The following TYW1 variants were observed in gnomAD, a reference collection of about 807,000 sequenced individuals.
The protein encoded by TYW1 is S-adenosyl-L-methionine-dependent tRNA 4-demethylwyosine synthase TYW1.
TYW1 carries 46 observed loss-of-function variants against 96.2 expected under a neutral mutation model. The ratio of observed to expected loss-of-function variants is 0.48; its 90% CI spans 0.38 to 0.61. TYW1 has a LOEUF of 0.61. TYW1 is among the 20% of genes least tolerant of loss of function. The pLI, the probability that TYW1 is intolerant of heterozygous loss-of-function variation, is 0.00. For synonymous variants in TYW1, 274 were observed against 323.0 expected, an observed-to-expected ratio of 0.85 and a Z score of 1.63; for missense variants, 684 against 909.6, an observed-to-expected ratio of 0.75 and a Z score of 3.19.
chr7:67,083,060 C>G (rs1796434775), intron 10 of TYW1, among the ~76,000 whole-genome samples: 1 of 152,188 alleles, frequency 6.6e-6, no homozygotes, highest in Admixed American at 6.5e-5. Context: ...AGTGTTCCAG[C>G]TGTCGTCACT....
intron 14 of TYW1, among the ~76,000 whole-genome samples, chr7:67,186,649 G>A (rs1800034483): frequency 6.6e-6 from 1 of 151,880 alleles, no homozygotes; most frequent in South Asian, 2.1e-4. Flanking sequence ...ACCACACCTG[G>A]CTAATTTAAA....
intron 13 of TYW1, among the ~76,000 whole-genome samples, chr7:67,154,212 G>A (rs1160590886): frequency 2.6e-5 from 4 of 152,112 alleles, no homozygotes; most frequent in Admixed American, 6.5e-5. Flanking sequence ...GTGAGCCACC[G>A]CGCCTGGCCC....
intron 12 of TYW1, among the ~76,000 whole-genome samples, chr7:67,099,137 T>A (rs1797012692): frequency 6.6e-6 from 1 of 152,168 alleles, no homozygotes; most frequent in East Asian, 1.9e-4. Context: ...GTGATTCTCC[T>A]GTCTCAGCCT....
rs2129235050 is a variant in TYW1, at chr7:66,998,101, T to C, written c.41T>C (p.Leu14Ser). 2 of 1,611,000 alleles carry C rather than the reference T, an allele frequency of 1.2e-6. No homozygotes were observed. The highest frequency in any genetic ancestry group is 4.5e-5 in the East Asian group (2 of 44,838). The change falls in exon 2 of 16, where the codon TTA (leucine) becomes TCA (serine). Residue 14 changes from leucine (L) to serine (S), a missense_variant. Physicochemically the swap from Leu to Ser is moderately radical, Grantham distance 145. Transcript: ENST00000359626. ...GATACATGGGACCTCTTCTCACCTT[T>C]AATATCATTATGGATAAACAGGTTT... ...SADTWDLFSP[L>S]ISLWINRFYI...
intron 13 of TYW1, among the ~76,000 whole-genome samples, chr7:67,164,608 CAAAAAAAAA>C (rs68160921): frequency 8.8e-6 from 1 of 113,834 alleles, no homozygotes; most frequent in African/African-American, 3.1e-5. Flanking sequence ...AAAACTGTCT[CAAAAAAAAA>C]AAAAAAAAGT....
At chr7:67,170,418 G>C (rs1275657547) in intron 13 of TYW1, among the ~76,000 whole-genome samples, 1 of 152,120 alleles carries the variant, frequency 6.6e-6, no homozygotes, top group Non-Finnish European at 1.5e-5. Flanking sequence ...GGGTTCCTAT[G>C]CATTTCCATA....
At chr7:67,174,473 A>G (rs1799604397) in intron 13 of TYW1, among the ~76,000 whole-genome samples, 2 of 150,528 alleles carry the variant, frequency 1.3e-5, no homozygotes, top group African/African-American at 2.5e-5. Flanking sequence ...CAATGAAAAT[A>G]TTTTTCAAGA....
chr7:67,040,205 G>A (rs1298267868), intron 7 of TYW1, among the ~76,000 whole-genome samples: 12 of 152,092 alleles, frequency 7.9e-5, no homozygotes, highest in Non-Finnish European at 1.6e-4. Flanking sequence ...TGATCCGCCC[G>A]CCTTGGCCTC....
At chr7:67,019,770 G>A (rs958955571) in intron 6 of TYW1, among the ~76,000 whole-genome samples, 1 of 152,294 alleles carries the variant, frequency 6.6e-6, no homozygotes, top group African/African-American at 2.4e-5. Flanking sequence ...GGAACAAGGA[G>A]TGGTCGATAC....
intron 3 of TYW1, among the ~76,000 whole-genome samples, chr7:67,003,004 C>A (rs1415807752): frequency 1.3e-5 from 2 of 151,984 alleles, no homozygotes; most frequent in Non-Finnish European, 2.9e-5. Flanking sequence ...CTCCTAGCCT[C>A]AAGTGATTCA....
chr7:67,133,205 T>C (rs1798137803), intron 13 of TYW1, among the ~76,000 whole-genome samples: 1 of 152,186 alleles, frequency 6.6e-6, no homozygotes, highest in African/African-American at 2.4e-5. Context: ...GGTGCCATCA[T>C]GGCTCACTGC....
chr7:67,093,833 T>C (rs926294208), intron 11 of TYW1, among the ~76,000 whole-genome samples: 3 of 152,116 alleles, frequency 2.0e-5, no homozygotes, highest in Non-Finnish European at 2.9e-5. Flanking sequence ...CTCTTGGGGA[T>C]TTACTTGCAC....
chr7:67,117,530 C>G lies in TYW1; in HGVS notation c.1610C>G (p.Thr537Ser), dbSNP rs750619047. 2.5e-6 allele frequency: 4 copies of G among 1,613,970 alleles called. No individual in the cohort carries two copies. Among genetic ancestry groups the G allele is most frequent in the South Asian group, 2.2e-5 (2 of 91,072 alleles). The change falls in exon 13 of 16, where the codon ACC becomes AGC. Residue 537 changes from threonine (T) to serine (S), a missense_variant. Transcript: ENST00000359626. ...CTGTATGTCAGTGTGGATGCCAGTACCAAAGACAGCCTGAAGAAAATCGAC... is the reference window on the plus strand; with the variant it reads ...CTGTATGTCAGTGTGGATGCCAGTAGCAAAGACAGCCTGAAGAAAATCGAC... ...TQLYVSVDASTKDSLKKIDRP... is the reference protein window; with the variant it reads ...TQLYVSVDASSKDSLKKIDRP...
Position 67,107,579 on chromosome 7 carries a change from GATA to G in TYW1, c.1562+8873_1562+8875del, listed in dbSNP as rs371245483. On this transcript the variant is annotated intron_variant, in intron 12 of 15. Transcript: ENST00000359626. ...TGCCCGCTTTCCTCATTTGTAAAAT[GATA>G]ATAATAATAATGACTGCCTTATGGT... is the stretch of plus-strand genomic sequence containing the variant. Among the ~76,000 whole-genome samples, 102 of 152,206 alleles carry G rather than the reference GATA, an allele frequency of 6.7e-4. 1 individual carries two copies. Among genetic ancestry groups the G allele is most frequent in the African/African-American group, 2.4e-3 (98 of 41,534 alleles).
chr7:67,143,569 C>T (rs970391260), intron 13 of TYW1, among the ~76,000 whole-genome samples: 5 of 152,134 alleles, frequency 3.3e-5, no homozygotes, highest in Non-Finnish European at 1.5e-5. Context: ...CAGAGTTTGG[C>T]GATTTGGGAA....
chr7:67,072,049 A>C (rs1212866087), intron 10 of TYW1, among the ~76,000 whole-genome samples: 1 of 149,562 alleles, frequency 6.7e-6, no homozygotes, highest in Admixed American at 6.7e-5. Context: ...GCTTCTTAGC[A>C]TGTCTCCTGT....
chr7:67,127,117 T>G (rs1181371998), intron 13 of TYW1, among the ~76,000 whole-genome samples: 3 of 152,060 alleles, frequency 2.0e-5, no homozygotes, highest in Admixed American at 6.6e-5. Context: ...AACACTATAT[T>G]CCTTCCTGAG....
At chr7:67,140,451 A>T (rs1798413869) in intron 13 of TYW1, among the ~76,000 whole-genome samples, 1 of 152,224 alleles carries the variant, frequency 6.6e-6, no homozygotes, top group South Asian at 2.1e-4. Context: ...GTACACTTTT[A>T]AAAAATGTTT....
At chr7:67,009,408 A>C (rs1793712848) in intron 3 of TYW1, among the ~76,000 whole-genome samples, 175 bp from the exon 4 acceptor site, 1 of 152,206 alleles carries the variant, frequency 6.6e-6, no homozygotes, top group Non-Finnish European at 1.5e-5. Flanking sequence ...TGATCTCTGT[A>C]ATGGTGCCCA....
Sources: allele counts gnomAD v4.1 joint callset (sites outside exome capture counted in the v4.1 genomes callset), GRCh38; gene constraint gnomAD v4.1.1; transcripts MANE v1.5; gene names NCBI Gene and HGNC (gene_info 2026-07-23, HGNC 2026-07-21).